The following PTPRG variants were observed in gnomAD, a reference collection of about 807,000 sequenced individuals.
PTPRG encodes the protein protein tyrosine phosphatase receptor type G, also known as receptor-type tyrosine-protein phosphatase gamma.
Under a neutral mutation model 165.3 loss-of-function variants are expected in PTPRG, and 102 were observed. The ratio of observed to expected loss-of-function variants is 0.62; its 90% CI spans 0.53 to 0.73. The LOEUF is 0.73. Among genes scored for constraint, PTPRG ranks in the 30% least tolerant of loss-of-function variants. PTPRG has a pLI of 0.00. For synonymous variants in PTPRG, 675 were observed against 669.5 expected, an observed-to-expected ratio of 1.01 and a Z score of -0.13; for missense variants, 1,866 against 1,861.4, an observed-to-expected ratio of 1.00 and a Z score of -0.05.
At chr3:61,839,699 A>G (rs2036567092) in intron 2 of PTPRG, among the ~76,000 whole-genome samples, 1 of 152,232 alleles carries the variant, frequency 6.6e-6, no homozygotes, top group African/African-American at 2.4e-5. Context: ...CCATATAGAG[A>G]ATTTGGAAAA....
At chr3:61,887,084 T>C (rs2038057819) in intron 2 of PTPRG, among the ~76,000 whole-genome samples, 1 of 144,734 alleles carries the variant, frequency 6.9e-6, no homozygotes, top group African/African-American at 2.6e-5. Flanking sequence ...ACTTAAGCAT[T>C]ATCTCGGAAA....
chr3:62,069,789 A>G (rs1218741403), intron 4 of PTPRG, among the ~76,000 whole-genome samples: 1 of 152,082 alleles, frequency 6.6e-6, no homozygotes, highest in Non-Finnish European at 1.5e-5. Context: ...TTGATCTTGC[A>G]GTCTTGAGTT....
At chr3:61,569,088 A>T (rs1370745057) in intron 1 of PTPRG, among the ~76,000 whole-genome samples, 2 of 151,996 alleles carry the variant, frequency 1.3e-5, no homozygotes, top group African/African-American at 4.8e-5. Flanking sequence ...TTGAATGAAA[A>T]CTTCATGTGT....
rs1702257996 is a variant in PTPRG, at chr3:62,277,165, A to G, written c.3636+117A>G. The G allele has an allele frequency of 3.8e-6, 3 of 797,546 alleles. No individual in the cohort carries two copies. The Admixed American group carries it at 7.9e-5, about 21-fold the overall frequency. 49.4% of individuals were successfully genotyped at this position (797,546 alleles called of 1,614,324 possible). A position where few individuals can be genotyped will look rare whatever the true frequency, so the allele number is the denominator to read the frequency against. ...AATAATTTCTCAATGTGTAATATGAAAAGTATAGAGATTTCTGTATCTTGA... is the reference window on the plus strand; with the variant it reads ...AATAATTTCTCAATGTGTAATATGAGAAGTATAGAGATTTCTGTATCTTGA... On this transcript the variant is annotated intron_variant, in intron 25 of 29. Coordinates refer to ENST00000474889, the MANE Select transcript of PTPRG (RefSeq NM_002841.4).
chr3:62,079,824 T>C (rs1344813241), intron 5 of PTPRG, among the ~76,000 whole-genome samples: 1 of 152,220 alleles, frequency 6.6e-6, no homozygotes, highest in African/African-American at 2.4e-5. Context: ...ATCTGTGAAG[T>C]AGAGAGAACA....
chr3:62,125,997 C>T (rs1703277568), intron 5 of PTPRG, among the ~76,000 whole-genome samples: 1 of 152,194 alleles, frequency 6.6e-6, no homozygotes, highest in South Asian at 2.1e-4. Flanking sequence ...CCAGCCATCC[C>T]ACTTCCTCCC....
intron 5 of PTPRG, among the ~76,000 whole-genome samples, chr3:62,115,309 A>G (rs184253621): frequency 2.3e-4 from 35 of 152,224 alleles, no homozygotes; most frequent in Middle Eastern, 6.8e-3. Flanking sequence ...GAAATCACAC[A>G]TGAAAAAAAC....
At chr3:61,814,580 C>T (rs997309568) in intron 2 of PTPRG, among the ~76,000 whole-genome samples, 1 of 151,896 alleles carries the variant, frequency 6.6e-6, no homozygotes, top group Non-Finnish European at 1.5e-5. Context: ...TCTCAGACCT[C>T]TGGTAACTGT....
At chr3:62,092,078 AC>A (rs1701952744) in intron 5 of PTPRG, among the ~76,000 whole-genome samples, 1 of 1,816 alleles carries the variant, frequency 5.5e-4, no homozygotes, top group South Asian at 0.016. Context: ...ACACACACAC[AC>A]ACACACACAC....
At chr3:61,982,261 A>G (rs1312565007) in intron 2 of PTPRG, among the ~76,000 whole-genome samples, 1 of 152,214 alleles carries the variant, frequency 6.6e-6, no homozygotes, top group Non-Finnish European at 1.5e-5. Flanking sequence ...TAACTTTGTT[A>G]GTATCTCAGA....
intron 5 of PTPRG, among the ~76,000 whole-genome samples, chr3:62,131,265 C>CAT (rs1703503697): frequency 2.0e-5 from 3 of 152,108 alleles, no homozygotes; most frequent in Non-Finnish European, 4.4e-5. Context: ...CAACGAAAAA[C>CAT]GTCTCCAGAC....
intron 12 of PTPRG, among the ~76,000 whole-genome samples, chr3:62,215,796 C>G (rs921829743): frequency 1.3e-5 from 2 of 152,176 alleles, no homozygotes; most frequent in African/African-American, 4.8e-5. Context: ...TTATCACCAA[C>G]ACAGAGATGC....
rs2035971886 is a variant in PTPRG at position 61,822,015 on chromosome 3, G to A, written c.190+73033G>A. On this transcript the variant is annotated intron_variant, in intron 2 of 29. Coordinates refer to ENST00000474889, the MANE Select transcript of PTPRG (RefSeq NM_002841.4). ...ATCTATCTTCCTCCTTCATCATCAG[G>A]GATTAAGTAACTGCACCATGGACAA... is the stretch of plus-strand genomic sequence containing the variant. Among the ~76,000 whole-genome samples, 5 of 152,134 alleles carry A rather than the reference G, an allele frequency of 3.3e-5. No individual in the cohort carries two copies. In the South Asian group the frequency reaches 1.0e-3, roughly 31 times the overall value.
intron 4 of PTPRG, among the ~76,000 whole-genome samples, chr3:62,018,199 A>G (rs1441738052): frequency 2.0e-5 from 3 of 152,218 alleles, no homozygotes; most frequent in Non-Finnish European, 4.4e-5. Flanking sequence ...GTGAATCTTA[A>G]CCCAAATGTA....
In PTPRG at chr3:61,634,381, G is replaced by C. The variant is rs183625486; in HGVS notation, c.85+72009G>C. Among the ~76,000 whole-genome samples, 29 of 152,058 alleles carry C rather than the reference G, an allele frequency of 1.9e-4. No individual in the cohort carries two copies. In the East Asian group the frequency reaches 5.4e-3, roughly 28 times the overall value. On this transcript the variant is annotated intron_variant, in intron 1 of 29. Coordinates refer to ENST00000474889, the MANE Select transcript of PTPRG (RefSeq NM_002841.4). ...AGCCTCCCAAGTAGCTGGGATACAG[G>C]TGCCTACCACCACGCCCGGCTAATT...
chr3:62,140,946 C>G (rs1703905727), intron 6 of PTPRG, among the ~76,000 whole-genome samples: 1 of 150,954 alleles, frequency 6.6e-6, no homozygotes. Context: ...AAATCTTTCT[C>G]TATCTTGATC....
At chr3:61,675,456 A>G (rs1414882114) in intron 1 of PTPRG, among the ~76,000 whole-genome samples, 2 of 52,294 alleles carry the variant, frequency 3.8e-5, no homozygotes, top group African/African-American at 1.3e-4. Context: ...CATGATAGAA[A>G]AAGTTGATTA....
chr3:61,847,012 ATAAAAT>A (rs878882853), intron 2 of PTPRG, among the ~76,000 whole-genome samples: 1 of 152,218 alleles, frequency 6.6e-6, no homozygotes, highest in Admixed American at 6.5e-5. Flanking sequence ...AGATGGAAAA[ATAAAAT>A]TAAAAATTCA....
chr3:62,262,923 A>G (rs375709223), intron 17 of PTPRG, 29 bp downstream of exon 17: 5 of 1,516,368 alleles, frequency 3.3e-6, no homozygotes, highest in Admixed American at 1.7e-5. Flanking sequence ...ACTACCTTCA[A>G]CTGCGAGGAA....
Sources: gnomAD v4.1 joint callset for allele counts (sites outside exome capture counted in the v4.1 genomes callset) on GRCh38, gnomAD v4.1.1 for gene constraint, MANE v1.5 for transcripts, NCBI Gene and HGNC (gene_info 2026-07-23, HGNC 2026-07-21) for gene names.